Variants in FRMD3 observed in about 807,000 individuals in gnomAD.
FRMD3 encodes the protein FERM domain-containing protein 3.
A neutral mutation model predicts 70.2 loss-of-function variants in FRMD3; 33 were observed. The observed-to-expected ratio is 0.47, with a 90% CI of 0.36 to 0.63. The LOEUF (loss-of-function observed/expected upper bound fraction) is 0.63. Among genes scored for constraint, FRMD3 ranks in the 20% least tolerant of loss-of-function variants. FRMD3 has a pLI of 0.00. For missense variants in FRMD3, 632 were observed against 711.4 expected, an observed-to-expected ratio of 0.89 and a Z score of 1.27; for synonymous variants, 279 against 255.9, an observed-to-expected ratio of 1.09 and a Z score of -0.86.
At chr9:83,406,364 A>G (rs1587822587) in intron 1 of FRMD3, among the ~76,000 whole-genome samples, 1 of 152,198 alleles carries the variant, frequency 6.6e-6, no homozygotes, top group African/African-American at 2.4e-5. Flanking sequence ...ATTCCTCACA[A>G]TGAACTGCAG....
intron 1 of FRMD3, among the ~76,000 whole-genome samples, chr9:83,503,346 G>C (rs1829114464): frequency 6.6e-6 from 1 of 152,208 alleles, no homozygotes; most frequent in African/African-American, 2.4e-5. Context: ...CGGATTTCAT[G>C]CATCGCTGCT....
At chr9:83,385,209 A>C (rs1270260998) in intron 2 of FRMD3, among the ~76,000 whole-genome samples, 1 of 152,112 alleles carries the variant, frequency 6.6e-6, no homozygotes, top group African/African-American at 2.4e-5. Flanking sequence ...ATCTAAACTT[A>C]AGCCAAGTAC....
chr9:83,494,386 A>G (rs530869182), intron 1 of FRMD3, among the ~76,000 whole-genome samples: 1 of 152,334 alleles, frequency 6.6e-6, no homozygotes, highest in South Asian at 2.1e-4. Flanking sequence ...GAAAATGTGC[A>G]TAATATGCTT....
chr9:83,540,118 G>A (rs1459456304), upstream of FRMD3, among the ~76,000 whole-genome samples: 2 of 152,168 alleles, frequency 1.3e-5, no homozygotes, highest in Non-Finnish European at 2.9e-5. Flanking sequence ...GGTCAGTGGA[G>A]GACATCTTAC....
At chr9:83,507,734 A>ATCTC (rs1405551994) in intron 1 of FRMD3, among the ~76,000 whole-genome samples, 2 of 114,938 alleles carry the variant, frequency 1.7e-5, no homozygotes, top group Admixed American at 9.5e-5. Context: ...ATATATATAT[A>ATCTC]TATATCTTCT....
the FRMD3 span, among the ~76,000 whole-genome samples, chr9:83,547,746 C>A: frequency 6.6e-6 from 1 of 152,102 alleles, no homozygotes; most frequent in African/African-American, 2.4e-5. Context: ...ATTTTTTTCT[C>A]ATCTGCACAT....
intron 2 of FRMD3, among the ~76,000 whole-genome samples, chr9:83,373,736 C>T (rs1417087768): frequency 1.3e-5 from 2 of 152,130 alleles, no homozygotes; most frequent in Non-Finnish European, 2.9e-5. Flanking sequence ...CTTAGAGTCA[C>T]TTTATACACC....
rs34251863 is a variant in FRMD3, at chr9:83,507,691, CATATATATATATATATATAT to C, written c.147+30374_147+30393del. 1.6e-3 allele frequency among the ~76,000 whole-genome samples: 81 copies of C among 49,242 alleles called. 4 individuals are homozygous for C. Among genetic ancestry groups the C allele is most frequent in the East Asian group, 5.8e-3 (9 of 1,560 alleles). 32.3% of individuals were successfully genotyped at this position (49,242 alleles called of 152,430 possible). ...TCTCAAACAAAAAAAAATATACATA[CATATATATATATATATATAT>C]ATATATATATATATATATATATATA... On this transcript the variant is annotated intron_variant, in intron 1 of 13. Coordinates refer to ENST00000304195, the MANE Select transcript of FRMD3 (RefSeq NM_174938.6).
chr9:83,550,547 T>G, the FRMD3 span, among the ~76,000 whole-genome samples: 1 of 152,164 alleles, frequency 6.6e-6, no homozygotes, highest in Admixed American at 6.6e-5. Context: ...GTATAGCCAT[T>G]TTAATGATGT....
At chr9:83,352,469 A>T (rs1824192301) in intron 3 of FRMD3, among the ~76,000 whole-genome samples, 1 of 152,176 alleles carries the variant, frequency 6.6e-6, no homozygotes, top group Non-Finnish European at 1.5e-5. Context: ...TCAGGCAATG[A>T]GGCCCAGAAC....
the FRMD3 span, among the ~76,000 whole-genome samples, chr9:83,567,948 G>A: frequency 6.6e-6 from 1 of 152,074 alleles, no homozygotes; most frequent in South Asian, 2.1e-4. Flanking sequence ...CACATTTTCA[G>A]GTATCTTTTC....
chr9:83,302,522 G>A (rs1400646812), intron 10 of FRMD3, among the ~76,000 whole-genome samples: 3 of 152,058 alleles, frequency 2.0e-5, no homozygotes, highest in African/African-American at 7.2e-5. Context: ...GTACTCTCAG[G>A]AGGGTTACAC....
intron 13 of FRMD3, among the ~76,000 whole-genome samples, chr9:83,255,962 A>ATT (rs1276042080): frequency 6.6e-6 from 1 of 152,198 alleles, no homozygotes; most frequent in Non-Finnish European, 1.5e-5. Context: ...TAATTTAGAG[A>ATT]TTTAATGCTA....
rs896489470 is a variant in FRMD3 at position 83,522,370 on chromosome 9, G to A, written c.147+15715C>T. ...CTCTGCTCGCGGAGGCCAGAACAGG[G>A]GCGTAGAGAAGCCTTCAGCGGCTGG... On this transcript the variant is annotated intron_variant, in intron 1 of 13. Transcript: ENST00000304195. Among the ~76,000 whole-genome samples the A allele has an allele frequency of 1.3e-4, 20 of 152,134 alleles. 1 individual carries two copies. The highest frequency in any genetic ancestry group is 3.6e-4 in the African/African-American group (15 of 41,530).
Position 83,247,839 on chromosome 9 carries a change from C to T in FRMD3, c.*79G>A. On this transcript the variant is annotated 3_prime_UTR_variant, in exon 14 of 14. Coordinates refer to ENST00000304195, the MANE Select transcript of FRMD3 (RefSeq NM_174938.6). ...GGAACACCTGTTGACAGCCCCGTGA[C>T]CCTTCAGAACCAGGCATTTGCTGAA... The T allele has an allele frequency of 1.9e-6, 3 of 1,551,084 alleles. No individual in the cohort carries two copies. The highest frequency in any genetic ancestry group is 1.7e-6 in the Non-Finnish European group (2 of 1,149,302).
At chr9:83,413,589 G>A (rs779013334) in intron 1 of FRMD3, among the ~76,000 whole-genome samples, 1 of 152,158 alleles carries the variant, frequency 6.6e-6, no homozygotes, top group African/African-American at 2.4e-5. Context: ...ATCCAACTGT[G>A]AAAATTACTG....
chr9:83,309,858 C>T (rs1358915372), intron 9 of FRMD3, among the ~76,000 whole-genome samples: 9 of 152,240 alleles, frequency 5.9e-5, no homozygotes, highest in Non-Finnish European at 8.8e-5. Context: ...TCAAAATCAG[C>T]CTCACAATGC....
At chr9:83,567,906 C>T in the FRMD3 span, among the ~76,000 whole-genome samples, 1 of 152,206 alleles carries the variant, frequency 6.6e-6, no homozygotes, top group South Asian at 2.1e-4. Context: ...CTGTTTCAGC[C>T]TCTGCCTGTT....
Position 83,266,803 on chromosome 9 carries a change from A to G in FRMD3, c.1196-18287T>C, listed in dbSNP as rs184094047. ...TTTATGACAACTTTATATCATTTGG[A>G]ACACACCCTCCTGTTTCCCCTTTGC... is the stretch of plus-strand genomic sequence containing the variant. On this transcript the variant is annotated intron_variant, in intron 13 of 13. Transcript: ENST00000304195. Among the ~76,000 whole-genome samples, 407 of 152,128 alleles carry G rather than the reference A, an allele frequency of 2.7e-3. 2 individuals carry two copies. Among genetic ancestry groups the G allele is most frequent in the Non-Finnish European group, 5.0e-3 (339 of 67,984 alleles).
Sources: gnomAD v4.1 joint callset for allele counts (sites outside exome capture counted in the v4.1 genomes callset) on GRCh38, gnomAD v4.1.1 for gene constraint, MANE v1.5 for transcripts, NCBI Gene and HGNC (gene_info 2026-07-23, HGNC 2026-07-21) for gene names.